The following SSBP3 variants were observed in gnomAD, a reference collection of about 807,000 sequenced individuals.
SSBP3 encodes single stranded DNA binding protein 3, also known as single-stranded DNA-binding protein 3.
In SSBP3, 5 loss-of-function variants were observed where a neutral mutation model predicts 69.6. The observed-to-expected ratio is 0.07, with a 90% CI of 0.04 to 0.15. The LOEUF is 0.15. Ranked by LOEUF, SSBP3 falls within the 10% of genes least tolerant of loss-of-function variation. The pLI, the probability that SSBP3 is intolerant of heterozygous loss-of-function variation, is 1.00. For missense variants in SSBP3, 312 were observed against 534.0 expected (o/e 0.58, Z 4.10); for synonymous variants, 196 against 193.4 (o/e 1.01, Z -0.11).
intron 4 of SSBP3, among the ~76,000 whole-genome samples, chr1:54,399,408 A>G (rs1649131418): frequency 6.6e-6 from 1 of 152,198 alleles, no homozygotes; most frequent in Admixed American, 6.5e-5. Context: ...TTCATCTGCA[A>G]AATGGAGTGA....
At chr1:54,411,165 T>C (rs1649980138), upstream of SSBP3, among the ~76,000 whole-genome samples, 1 of 152,150 alleles carries the variant, frequency 6.6e-6, no homozygotes, top group East Asian at 1.9e-4. Context: ...GTTTTTTTCC[T>C]ACCTATTTCC....
Position 54,250,510 on chromosome 1 carries a change from C to T in SSBP3, c.651+1106G>A, listed in dbSNP as rs576521351. The stretch of plus-strand genomic sequence containing the variant: ...GTGGTTCTGTGGGGCAGACGCCTCT[C>T]CCTACAAAAGGGAGCACGTGTGGGC... On this transcript the variant is annotated intron_variant, in intron 9 of 17. Transcript: ENST00000610401. 6.8e-5 allele frequency among the ~76,000 whole-genome samples: 10 copies of T among 146,290 alleles called. No homozygotes were observed. The East Asian group carries it at 2.0e-3, about 29-fold the overall frequency.
At chr1:54,374,514 A>G (rs753909694) in intron 4 of SSBP3, among the ~76,000 whole-genome samples, 59 of 152,262 alleles carry the variant, frequency 3.9e-4, no homozygotes, top group Non-Finnish European at 7.6e-4. Flanking sequence ...AACACCTCAC[A>G]TTCTCCAGGA....
intron 11 of SSBP3, 113 bp downstream of exon 11, chr1:54,242,051 G>C (rs1018601131): frequency 8.2e-7 from 1 of 1,215,790 alleles, no homozygotes; most frequent in Non-Finnish European, 1.2e-6. Context: ...AGCATCAGGA[G>C]AGTCCTGCTG....
At chr1:54,236,261 A>G (rs1427631672) in intron 14 of SSBP3, among the ~76,000 whole-genome samples, 2 of 152,040 alleles carry the variant, frequency 1.3e-5, no homozygotes, top group African/African-American at 4.8e-5. Flanking sequence ...GACTACAGAC[A>G]TGTACCACCA....
At chr1:54,269,545 G>C (rs974095369) in intron 5 of SSBP3, among the ~76,000 whole-genome samples, 4 of 152,214 alleles carry the variant, frequency 2.6e-5, no homozygotes, top group African/African-American at 9.7e-5. Flanking sequence ...AATTAATCTA[G>C]CGAATCGGAA....
At chr1:54,336,545 C>T (rs1345770582) in intron 4 of SSBP3, among the ~76,000 whole-genome samples, 2 of 152,180 alleles carry the variant, frequency 1.3e-5, no homozygotes, top group Non-Finnish European at 2.9e-5. Context: ...CAAGCAGATG[C>T]CCCCAGGCCC....
intron 4 of SSBP3, among the ~76,000 whole-genome samples, chr1:54,380,754 TG>T (rs1359446157): frequency 6.6e-6 from 1 of 152,066 alleles, no homozygotes; most frequent in Admixed American, 6.6e-5. Context: ...ACCATGGGGT[TG>T]GGGGTGTTGG....
At chr1:54,228,679 G>A (rs1157523458) in intron 15 of SSBP3, 69 bp downstream of exon 15, 1 of 1,527,428 alleles carries the variant, frequency 6.5e-7, no homozygotes, top group Admixed American at 2.0e-5. Flanking sequence ...GCCCAGCTGA[G>A]CCAGGAGCTG....
At chr1:54,395,577 C>T (rs755121272) in intron 4 of SSBP3, among the ~76,000 whole-genome samples, 18 of 152,090 alleles carry the variant, frequency 1.2e-4, no homozygotes, top group Non-Finnish European at 2.5e-4. Flanking sequence ...CAGGGACGGG[C>T]GGTGGGGGGG....
chr1:54,240,861 C>A (rs369210418), intron 13 of SSBP3, 44 bp downstream of exon 13: 71 of 1,612,226 alleles, frequency 4.4e-5, no homozygotes, highest in Non-Finnish European at 5.8e-5. Flanking sequence ...ACATGCCCCA[C>A]CCTCCACCAC....
chr1:54,231,755 C>T (rs1410523867), intron 14 of SSBP3, among the ~76,000 whole-genome samples: 3 of 152,228 alleles, frequency 2.0e-5, no homozygotes, highest in Non-Finnish European at 4.4e-5. Context: ...AGTGCAGTGG[C>T]GTGATCTTGG....
At chr1:54,374,828 G>C (rs1176557407) in intron 4 of SSBP3, among the ~76,000 whole-genome samples, 1 of 152,192 alleles carries the variant, frequency 6.6e-6, no homozygotes, top group South Asian at 2.1e-4. Context: ...GACTTCCAGA[G>C]CATGAACTTG....
intron 9 of SSBP3, among the ~76,000 whole-genome samples, chr1:54,248,951 A>T (rs1644778648): frequency 6.6e-6 from 1 of 152,176 alleles, no homozygotes; most frequent in Admixed American, 6.5e-5. Flanking sequence ...AAGACGGGTG[A>T]GCCTCTCTCC....
At chr1:54,364,555 T>C (rs1232508952) in intron 4 of SSBP3, among the ~76,000 whole-genome samples, 2 of 152,024 alleles carry the variant, frequency 1.3e-5, no homozygotes, top group African/African-American at 2.4e-5. Flanking sequence ...AAAATATAAA[T>C]AGAATATCAA....
At chr1:54,412,502 A>G (rs1264281322) in intron 1 of SSBP3, among the ~76,000 whole-genome samples, 1 of 152,186 alleles carries the variant, frequency 6.6e-6, no homozygotes, top group Non-Finnish European at 1.5e-5. Context: ...TCAAATTCAG[A>G]GAGACAGAGT....
At chr1:54,335,514 C>CAGG (rs2100485091) in intron 4 of SSBP3, among the ~76,000 whole-genome samples, 1 of 152,306 alleles carries the variant, frequency 6.6e-6, no homozygotes, top group Admixed American at 6.5e-5. Flanking sequence ...GCAGAGACAG[C>CAGG]AGGAGACAGA....
exon 18 of SSBP3, chr1:54,225,588 C>A: frequency 2.2e-6 from 1 of 452,086 alleles, no homozygotes; most frequent in Non-Finnish European, 3.5e-6. Context: ...CAATAATCCG[C>A]ACAAAGTCTT....
intron 4 of SSBP3, among the ~76,000 whole-genome samples, chr1:54,336,831 G>A (rs901556298): frequency 1.3e-5 from 2 of 152,172 alleles, no homozygotes; most frequent in Non-Finnish European, 2.9e-5. Flanking sequence ...CGTTAGGTCA[G>A]GCCCCTCAGC....
Sources: allele counts gnomAD v4.1 joint callset (sites outside exome capture counted in the v4.1 genomes callset), GRCh38; gene constraint gnomAD v4.1.1; transcripts MANE v1.5; gene names NCBI Gene and HGNC (gene_info 2026-07-23, HGNC 2026-07-21).